The following MAP3K20 variants were observed in gnomAD, a reference collection of about 807,000 sequenced individuals.
MAP3K20 encodes the protein mitogen-activated protein kinase kinase kinase 20.
In MAP3K20, 40 loss-of-function variants were observed where a neutral mutation model predicts 85.7. That is an observed-to-expected ratio of 0.47 (90% CI 0.36 to 0.61). The LOEUF is 0.61. MAP3K20 is among the 20% of genes least tolerant of loss of function. The pLI is 0.00. For synonymous variants in MAP3K20, 325 were observed against 327.7 expected (o/e 0.99, Z 0.09); for missense variants, 817 against 961.7 (o/e 0.85, Z 1.99).
rs1004797385 is a variant in MAP3K20, at chr2:173,198,265, T to C, written c.669+153T>C. 4 of 606,806 alleles carry C rather than the reference T, an allele frequency of 6.6e-6. No individual in the cohort carries two copies. The highest frequency in any genetic ancestry group is 1.1e-5 in the Non-Finnish European group (4 of 356,782). 37.6% of individuals were successfully genotyped at this position (606,806 alleles called of 1,614,324 possible). On this transcript the variant is annotated intron_variant, in intron 8 of 19. Transcript: ENST00000375213. This position sits in a 1 kb window ranked among gnomAD's most constrained non-coding sequence, Gnocchi z 5.8. Reference sequence around the variant, plus strand: ...AACACAAAGGGTCAAAGTGATGTTATTCCTCATGAATGGACCCTTTACATC... The same window carrying C: ...AACACAAAGGGTCAAAGTGATGTTACTCCTCATGAATGGACCCTTTACATC...
intron 2 of MAP3K20, among the ~76,000 whole-genome samples, chr2:173,102,871 C>T (rs962765251): frequency 4.6e-5 from 7 of 151,856 alleles, no homozygotes; most frequent in Non-Finnish European, 7.4e-5. Context: ...GTCAGGAGTT[C>T]GAGACCAGCC....
chr2:173,258,430 T>C (rs149876695), intron 16 of MAP3K20, among the ~76,000 whole-genome samples: 20 of 152,308 alleles, frequency 1.3e-4, no homozygotes, highest in African/African-American at 4.8e-4. Context: ...TCCTTTTTAT[T>C]ATCTGCCTAG....
At chr2:173,226,084 G>A in intron 11 of MAP3K20, 3 of 984,740 alleles carry the variant, frequency 3.0e-6, no homozygotes, top group Non-Finnish European at 3.6e-6. Flanking sequence ...AAATGTTGAG[G>A]GTGGGTTTTT....
chr2:173,079,137 G>A (rs1191276610), intron 1 of MAP3K20, among the ~76,000 whole-genome samples: 2 of 152,206 alleles, frequency 1.3e-5, no homozygotes, highest in Non-Finnish European at 2.9e-5. Context: ...TACACACCTA[G>A]GCTGTGTGAG....
At chr2:173,146,999 A>G (rs573415769) in intron 2 of MAP3K20, among the ~76,000 whole-genome samples, 2 of 152,264 alleles carry the variant, frequency 1.3e-5, no homozygotes, top group South Asian at 2.1e-4. Flanking sequence ...CCATTTGTAG[A>G]TATCTTCTTT....
At position 173,180,385 on chromosome 2, in the gene MAP3K20, T is replaced by C. The variant is rs74586249; in HGVS notation, c.248-2469T>C. ...TTGCTGAGACAATTAGAAATTGATA[T>C]GCCAGGGCCGGGTGTGGTGGCTCAC... On this transcript the variant is annotated intron_variant, in intron 3 of 19. Transcript: ENST00000375213. Among the ~76,000 whole-genome samples, 1,241 of 152,230 alleles carry C rather than the reference T, an allele frequency of 8.2e-3. 11 individuals carry two copies. The highest frequency in any genetic ancestry group is 0.013 in the Admixed American group (199 of 15,280).
chr2:173,206,154 TTAG>T (rs749666829), intron 9 of MAP3K20, among the ~76,000 whole-genome samples: 1 of 152,190 alleles, frequency 6.6e-6, no homozygotes, highest in Non-Finnish European at 1.5e-5. Context: ...ATAATTGTGA[TTAG>T]ATTTCAGTAT....
rs933820424 is a variant in MAP3K20 at position 173,267,417 on chromosome 2, T to C, written c.*667T>C. 1 of 152,118 alleles carries C rather than the reference T, an allele frequency of 6.6e-6. No individual in the cohort carries two copies. Among genetic ancestry groups the C allele is most frequent in the Non-Finnish European group, 1.5e-5 (1 of 68,024 alleles). 9.4% of individuals were successfully genotyped at this position (152,118 alleles called of 1,614,324 possible). A position where few individuals can be genotyped will look rare whatever the true frequency, so the allele number is the denominator to read the frequency against. ...TCCTTGGCTCAGCCCTGCTGGTTAG[T>C]ATTTAGTATTTATTTTAGTAAGATA... On this transcript the variant is annotated 3_prime_UTR_variant, in exon 20 of 20. Transcript: ENST00000375213.
At chr2:173,215,850 G>C (rs1382720223) in intron 10 of MAP3K20, 1 of 152,200 alleles carries the variant, frequency 6.6e-6, no homozygotes, top group African/African-American at 2.4e-5. Context: ...GAAAGAAAAA[G>C]GCAGACTTTG....
At chr2:173,214,980 GAC>G (rs1282528479) in intron 10 of MAP3K20, among the ~76,000 whole-genome samples, 5 of 152,184 alleles carry the variant, frequency 3.3e-5, no homozygotes. Flanking sequence ...GAGCCTGAGA[GAC>G]AGATTGAGGA....
chr2:173,079,638 T>C (rs1044000438), intron 1 of MAP3K20, among the ~76,000 whole-genome samples: 11 of 150,274 alleles, frequency 7.3e-5, no homozygotes, highest in Non-Finnish European at 1.3e-4. Context: ...AGATTTTTTT[T>C]CTATTTTTAA....
chr2:173,107,044 A>G (rs985561234), intron 2 of MAP3K20, among the ~76,000 whole-genome samples: 3 of 152,244 alleles, frequency 2.0e-5, no homozygotes, highest in Non-Finnish European at 2.9e-5. Flanking sequence ...AGACAGGAAT[A>G]GTAATCGGAC....
chr2:173,119,747 T>G (rs1688226579), intron 2 of MAP3K20, among the ~76,000 whole-genome samples: 1 of 152,228 alleles, frequency 6.6e-6, no homozygotes, highest in Non-Finnish European at 1.5e-5. Flanking sequence ...TCACCTATGA[T>G]GAAGGTCAGC....
chr2:173,169,297 G>A (rs1192886938), intron 2 of MAP3K20, among the ~76,000 whole-genome samples: 8 of 152,136 alleles, frequency 5.3e-5, no homozygotes, highest in African/African-American at 1.7e-4. Flanking sequence ...CTCTTTTATC[G>A]CTTCTTCAAC....
chr2:173,229,650 T>C, intron 11 of MAP3K20, 39 bp from the exon 12 acceptor site: 1 of 1,612,392 alleles, frequency 6.2e-7, no homozygotes, highest in South Asian at 1.1e-5. Flanking sequence ...AATGATAATA[T>C]TACTTTTTTT....
intron 9 of MAP3K20, 28 bp from the exon 10 acceptor site, chr2:173,209,701 G>T: frequency 6.3e-7 from 1 of 1,578,032 alleles, no homozygotes; most frequent in African/African-American, 1.4e-5. Context: ...AAGTCCCAGC[G>T]AATGATTACT....
At chr2:173,121,752 AC>A (rs2106188622) in intron 2 of MAP3K20, among the ~76,000 whole-genome samples, 1 of 147,694 alleles carries the variant, frequency 6.8e-6, no homozygotes, top group Admixed American at 6.7e-5. Flanking sequence ...CCCGCCGCCC[AC>A]CCGCCACCAT....
chr2:173,124,870 T>A (rs952314352), intron 2 of MAP3K20, among the ~76,000 whole-genome samples: 1 of 152,118 alleles, frequency 6.6e-6, no homozygotes, highest in African/African-American at 2.4e-5. Context: ...CACTTGTAAT[T>A]CCAGCACTTT....
intron 16 of MAP3K20, among the ~76,000 whole-genome samples, chr2:173,242,703 T>C (rs940663289): frequency 7.1e-6 from 1 of 140,954 alleles, no homozygotes; most frequent in African/African-American, 2.6e-5. Context: ...ATCTTTCTTT[T>C]TTTTTTTTTT....
Sources: allele counts gnomAD v4.1 joint callset (sites outside exome capture counted in the v4.1 genomes callset), GRCh38; gene constraint gnomAD v4.1.1; non-coding constraint Gnocchi (gnomAD v3.1); transcripts MANE v1.5; gene names NCBI Gene and HGNC (gene_info 2026-07-23, HGNC 2026-07-21).